DMD: variants seen among roughly 807,000 people sequenced by gnomAD.
DMD encodes dystrophin.
Under a neutral mutation model 330.1 loss-of-function variants are expected in DMD, and 63 were observed. The observed-to-expected ratio is 0.19, with a 90% confidence interval of 0.16 to 0.24. The LOEUF is 0.24. DMD is among the 10% of genes least tolerant of loss of function. The pLI, the probability that DMD is intolerant of heterozygous loss-of-function variation, is 1.00. For missense variants in DMD, 3,344 were observed against 2,684.1 expected (o/e 1.25, Z -5.43); for synonymous variants, 1,223 against 959.8 (o/e 1.27, Z -5.07).
At chrX:32,308,542 G>A (rs1354559531) in intron 42 of DMD, among the ~76,000 whole-genome samples, 1 of 111,236 alleles carries the variant, frequency 9.0e-6, no homozygotes, top group Non-Finnish European at 1.9e-5. Context: ...TTGGGAGACA[G>A]AAGGAATCAT....
At chrX:33,279,747 A>T (rs749348146) in intron 1 of DMD, among the ~76,000 whole-genome samples, 1 of 110,912 alleles carries the variant, frequency 9.0e-6, no homozygotes. Flanking sequence ...TATTTTAGCC[A>T]TTTTGACTAC....
intron 1 of DMD, among the ~76,000 whole-genome samples, chrX:33,038,175 T>C (rs987182356): frequency 8.9e-6 from 1 of 112,261 alleles, no homozygotes; most frequent in African/African-American, 3.2e-5. Context: ...TGGTTTGCCA[T>C]AGAAGACAAA....
intron 62 of DMD, among the ~76,000 whole-genome samples, chrX:31,290,471 T>G (rs2053608246): frequency 9.0e-6 from 1 of 111,663 alleles, no homozygotes; most frequent in Admixed American, 9.6e-5. Flanking sequence ...ATATTTTGAT[T>G]GTTTAAGGTT....
chrX:31,808,309 C>T (rs1297966534), intron 50 of DMD, among the ~76,000 whole-genome samples: 9 of 111,318 alleles, frequency 8.1e-5, no homozygotes, highest in Non-Finnish European at 1.1e-4. Flanking sequence ...GTTAAAGCAC[C>T]CCTTTTTTCA....
intron 47 of DMD, among the ~76,000 whole-genome samples, chrX:31,894,340 C>A (rs1324969770): frequency 9.0e-6 from 1 of 111,711 alleles, no homozygotes; most frequent in African/African-American, 3.3e-5. Context: ...AAATGGCTAA[C>A]AATTTTGTCC....
chrX:32,583,214 G>A (rs1601879677), intron 13 of DMD, among the ~76,000 whole-genome samples: 1 of 111,981 alleles, frequency 8.9e-6, no homozygotes, highest in East Asian at 2.8e-4. Context: ...ACCAGATACA[G>A]GCTGGGCCTG....
At chrX:33,079,642 A>G (rs57869506) in intron 1 of DMD, among the ~76,000 whole-genome samples, 3,737 of 111,540 alleles carry the variant, frequency 0.034, 151 homozygotes, top group African/African-American at 0.12. Flanking sequence ...TGGACTTTAG[A>G]GGACCTAATA....
intron 60 of DMD, among the ~76,000 whole-genome samples, chrX:31,350,058 C>A (rs181323686): frequency 1.4e-4 from 15 of 110,951 alleles, no homozygotes; most frequent in African/African-American, 4.9e-4. Flanking sequence ...AAGTGGGGTT[C>A]CCCTACAATG....
intron 47 of DMD, among the ~76,000 whole-genome samples, chrX:31,891,224 C>T (rs746812873): frequency 9.0e-6 from 1 of 111,144 alleles, no homozygotes; most frequent in Non-Finnish European, 1.9e-5. Flanking sequence ...AGCTGTGTGA[C>T]GGTATGAGGA....
intron 13 of DMD, among the ~76,000 whole-genome samples, chrX:32,581,535 A>T (rs993456247): frequency 6.2e-5 from 7 of 112,340 alleles, no homozygotes; most frequent in Admixed American, 5.6e-4. Context: ...GTAATTTTAG[A>T]TGCAATAGAC....
intron 6 of DMD, among the ~76,000 whole-genome samples, 180 bp downstream of exon 6, chrX:32,816,288 T>C (rs1417831075): frequency 8.9e-6 from 1 of 112,094 alleles, no homozygotes; most frequent in Non-Finnish European, 1.9e-5. Flanking sequence ...ATGTATCCCA[T>C]AGAACACTGG....
At chrX:31,265,783 T>TGGGGGGGGGGGG (rs57593344) in intron 62 of DMD, among the ~76,000 whole-genome samples, 4 of 16,268 alleles carry the variant, frequency 2.5e-4, no homozygotes, top group African/African-American at 3.0e-4. Context: ...ATTGGGGGTG[T>TGGGGGGGGGGGG]GGGGGGGGGG....
intron 63 of DMD, among the ~76,000 whole-genome samples, chrX:31,242,642 G>C (rs1435091888): frequency 9.2e-6 from 1 of 108,568 alleles, no homozygotes; most frequent in Non-Finnish European, 1.9e-5. Flanking sequence ...GCTGACATAG[G>C]CTTTTTTCAA....
At chrX:32,431,406 T>C (rs928425091) in intron 29 of DMD, among the ~76,000 whole-genome samples, 13 of 111,441 alleles carry the variant, frequency 1.2e-4, no homozygotes, top group African/African-American at 4.2e-4. Context: ...TGCTCATTTT[T>C]AAATTGGGTT....
At chrX:32,899,358 T>C (rs1387487330) in intron 2 of DMD, among the ~76,000 whole-genome samples, 1 of 111,420 alleles carries the variant, frequency 9.0e-6, no homozygotes, top group Non-Finnish European at 1.9e-5. Flanking sequence ...TTTAATTTAG[T>C]ATAATATCAT....
intron 9 of DMD, among the ~76,000 whole-genome samples, chrX:32,692,325 T>G (rs953115071): frequency 1.5e-4 from 17 of 112,123 alleles, no homozygotes; most frequent in Non-Finnish European, 1.9e-5. Flanking sequence ...CTAACAATTC[T>G]GTTTCTGGGT....
At chrX:32,168,218 G>A (rs749042196) in intron 44 of DMD, among the ~76,000 whole-genome samples, 1 of 111,389 alleles carries the variant, frequency 9.0e-6, no homozygotes, top group Non-Finnish European at 1.9e-5. Context: ...GCCCATTCCT[G>A]TGCAAGATGC....
chrX:32,545,096 CA>C, intron 17 of DMD, 62 bp downstream of exon 17: 1 of 1,105,383 alleles, frequency 9.0e-7, no homozygotes, highest in Non-Finnish European at 1.2e-6. Context: ...ACACCACCAA[CA>C]AAACTGCTGT....
intron 30 of DMD, 45 bp downstream of exon 30, chrX:32,411,707 G>C: frequency 8.4e-7 from 1 of 1,188,341 alleles, no homozygotes; most frequent in Non-Finnish European, 1.1e-6. Flanking sequence ...TTTTGTTGAA[G>C]TAATAAAAAC....
Sources: allele counts gnomAD v4.1 joint callset (sites outside exome capture counted in the v4.1 genomes callset), GRCh38; gene constraint gnomAD v4.1.1; transcripts MANE v1.5; gene names NCBI Gene and HGNC (gene_info 2026-07-23, HGNC 2026-07-21).